IQSEC2: variants seen among roughly 807,000 people sequenced by gnomAD.
The protein encoded by IQSEC2 is IQ motif and Sec7 domain ArfGEF 2, also known as IQ motif and SEC7 domain-containing protein 2.
In IQSEC2, 6 loss-of-function variants were observed where a neutral mutation model predicts 74.6. The ratio of observed to expected loss-of-function variants is 0.08; its 90% CI spans 0.04 to 0.16. IQSEC2 has a LOEUF of 0.16. IQSEC2 is among the 10% of genes least tolerant of loss of function. The pLI, the probability that IQSEC2 is intolerant of heterozygous loss-of-function variation, is 1.00. For synonymous variants in IQSEC2, 494 were observed against 544.5 expected (o/e 0.91, Z 1.29); for missense variants, 734 against 1,306.2 (o/e 0.56, Z 6.75).
rs188550147 is a variant in IQSEC2, at chrX:53,269,667, C to T, written c.738-13606G>A. 3.6e-3 allele frequency among the ~76,000 whole-genome samples: 402 copies of T among 110,996 alleles called. 2 individuals are homozygous for T. The highest frequency in any genetic ancestry group is 0.013 in the African/African-American group (392 of 30,489). On this transcript the variant is annotated intron_variant, in intron 2 of 14. Coordinates refer to ENST00000642864, the MANE Select transcript of IQSEC2 (RefSeq NM_001111125.3). ...TACACTGGCCATCTCTGCTTCACTT[C>T]GGTACCTCCCACGAGCTCTTCGACC...
intron 1 of IQSEC2, among the ~76,000 whole-genome samples, chrX:53,300,028 G>A (rs782210151): frequency 9.0e-6 from 1 of 111,193 alleles, no homozygotes; most frequent in Non-Finnish European, 1.9e-5. Context: ...CCAAAGTTGG[G>A]GGGGGAATTA....
At chrX:53,260,345 C>T (rs946980701) in intron 2 of IQSEC2, among the ~76,000 whole-genome samples, 13 of 111,162 alleles carry the variant, frequency 1.2e-4, no homozygotes, top group Admixed American at 2.9e-4. Context: ...CCAGTGTGGC[C>T]GGAACAGAGT....
intron 9 of IQSEC2, among the ~76,000 whole-genome samples, chrX:53,243,116 T>G (rs2074249574): frequency 9.0e-6 from 1 of 111,610 alleles, no homozygotes; most frequent in African/African-American, 3.3e-5. Context: ...AAGCCGGAGG[T>G]GAAAAGGATG....
At chrX:53,270,981 G>C (rs1360860888) in intron 2 of IQSEC2, among the ~76,000 whole-genome samples, 3 of 110,383 alleles carry the variant, frequency 2.7e-5, no homozygotes, top group African/African-American at 6.6e-5. Flanking sequence ...ACGCTAATTT[G>C]ATCATGTCAC....
intron 2 of IQSEC2, among the ~76,000 whole-genome samples, chrX:53,276,530 A>G: frequency 8.9e-6 from 1 of 112,698 alleles, no homozygotes; most frequent in Non-Finnish European, 1.9e-5. Context: ...TCTAACATTT[A>G]TACCATGTAT....
intron 1 of IQSEC2, among the ~76,000 whole-genome samples, chrX:53,297,225 C>T (rs922126109): frequency 9.0e-6 from 1 of 110,687 alleles, no homozygotes; most frequent in African/African-American, 3.3e-5. Flanking sequence ...TGGTGGTCTA[C>T]GTTATTATGA....
rs374134301 is a variant in IQSEC2 at position 53,294,679 on chromosome X, T to A, written c.708-2755A>T. Reference sequence around the variant, plus strand: ...TATTTCTTCAGAACCCCAAAGTTTATCTCTTTTATCAACTAGATTCTGCTG... The same window carrying A: ...TATTTCTTCAGAACCCCAAAGTTTAACTCTTTTATCAACTAGATTCTGCTG... On this transcript the variant is annotated intron_variant, in intron 1 of 14. Transcript: ENST00000642864. Among the ~76,000 whole-genome samples, 28 of 111,827 alleles carry A rather than the reference T, an allele frequency of 2.5e-4. No homozygotes were observed. The East Asian group carries it at 7.3e-3, about 29-fold the overall frequency.
In IQSEC2 at chrX:53,250,951, C is replaced by T. The variant is rs782420335; in HGVS notation, c.1625G>A (p.Arg542Gln). ...AGGGGCTGGCGCCCAGAACTCGGGCCGGCCCTGGGGTGGGGGTTCTGTGCT... is the reference window on the plus strand; with the variant it reads ...AGGGGCTGGCGCCCAGAACTCGGGCTGGCCCTGGGGTGGGGGTTCTGTGCT... The part of the protein sequence containing the change: ...LPSTEPPPQG[R>Q]PEFWAPAPLP... The change falls in exon 5 of 15, where the codon CGG becomes CAG. Residue 542 changes from arginine to glutamine, a missense_variant. Physicochemically the swap from Arg to Gln is conservative, Grantham distance 43. This residue lies in a region of IQSEC2 where 204 missense variants were observed against 305.4 expected (regional missense o/e 0.67). Transcript: ENST00000642864. 1.5e-5 allele frequency: 18 copies of T among 1,209,737 alleles called. No homozygotes were observed. The highest frequency in any genetic ancestry group is 1.8e-5 in the Non-Finnish European group (16 of 894,718).
At chrX:53,272,738 C>G (rs1285366160) in intron 2 of IQSEC2, among the ~76,000 whole-genome samples, 1 of 111,619 alleles carries the variant, frequency 9.0e-6, no homozygotes, top group Non-Finnish European at 1.9e-5. Context: ...GACCAGGCAC[C>G]TGGTTCTCTC....
At chrX:53,254,330 CAA>C (rs57468463) in intron 4 of IQSEC2, among the ~76,000 whole-genome samples, 198 bp downstream of exon 4, 209 of 69,102 alleles carry the variant, frequency 3.0e-3, no homozygotes, top group South Asian at 7.0e-3. Context: ...AACTCCGTCT[CAA>C]AAAAAAAAAA....
intron 1 of IQSEC2, among the ~76,000 whole-genome samples, chrX:53,307,496 A>G (rs1226938820): frequency 9.2e-6 from 1 of 109,088 alleles, no homozygotes; most frequent in African/African-American, 3.3e-5. Flanking sequence ...AGTATGAGAG[A>G]AAAGGTAAGC....
At chrX:53,251,286 T>G in intron 4 of IQSEC2, 112 bp from the exon 5 acceptor site, 2 of 789,234 alleles carry the variant, frequency 2.5e-6, no homozygotes, top group Non-Finnish European at 3.7e-6. Flanking sequence ...AGGGGGAGTC[T>G]TCCTGGTAGG....
Position 53,234,636 on chromosome X carries a change from G to A in IQSEC2, c.4050C>T (p.His1350=). 1.8e-6 allele frequency: 2 copies of A among 1,137,848 alleles called. No homozygotes were observed. Among genetic ancestry groups the A allele is most frequent in the East Asian group, 3.3e-5 (1 of 30,488 alleles). 93.8% of individuals were successfully genotyped at this position (1,137,848 alleles called of 1,213,427 possible). The change falls in exon 15 of 15, where the codon CAC becomes CAT. Residue 1350 remains histidine (H), a synonymous_variant. Transcript: ENST00000642864. ...GGCGGCCATGTGGAGCAAACTGAGG[G>A]TGTCCTCCAGCCCCCCGTCTGGGTG... ...GRAPRRGAGG[H]PQFAPHGRHP...
At chrX:53,248,342 A>C in intron 6 of IQSEC2, 106 bp from the exon 7 acceptor site, 13 of 991,465 alleles carry the variant, frequency 1.3e-5, no homozygotes, top group African/African-American at 1.9e-5. Context: ...ATAGACTCTC[A>C]AATTCAGGAC....
chrX:53,259,969 C>T (rs192483321), intron 2 of IQSEC2, among the ~76,000 whole-genome samples: 5 of 112,019 alleles, frequency 4.5e-5, no homozygotes, highest in Non-Finnish European at 7.5e-5. Context: ...GCAAAATGCA[C>T]GAGAACATTC....
chrX:53,273,230 C>A (rs781785852), intron 2 of IQSEC2, among the ~76,000 whole-genome samples: 1 of 110,317 alleles, frequency 9.1e-6, no homozygotes, highest in East Asian at 2.9e-4. Context: ...AGACTCAGTA[C>A]AAACGTCCCC....
intron 1 of IQSEC2, among the ~76,000 whole-genome samples, chrX:53,302,523 C>T (rs1435261612): frequency 8.9e-6 from 1 of 111,997 alleles, no homozygotes; most frequent in Non-Finnish European, 1.9e-5. Context: ...TCACTTGAGC[C>T]CAGGAATTTG....
chrX:53,291,760 C>T, intron 2 of IQSEC2, 135 bp downstream of exon 2: 1 of 524,877 alleles, frequency 1.9e-6, no homozygotes. Context: ...CCATAGCCAC[C>T]CCTAATACCA....
intron 2 of IQSEC2, among the ~76,000 whole-genome samples, chrX:53,282,151 C>T (rs1331503390): frequency 5.3e-5 from 6 of 112,762 alleles, no homozygotes; most frequent in African/African-American, 1.9e-4. Flanking sequence ...GCAATAAGCT[C>T]TCACTCTTCT....
Sources: gnomAD v4.1 joint callset for allele counts (sites outside exome capture counted in the v4.1 genomes callset) on GRCh38, gnomAD v4.1.1 for gene constraint, gnomAD v4.1.1 regional missense constraint, MANE v1.5 for transcripts, NCBI Gene and HGNC (gene_info 2026-07-23, HGNC 2026-07-21) for gene names.